The following MTBP variants were observed in gnomAD, a reference collection of about 807,000 sequenced individuals.
MTBP encodes mdm2-binding protein.
MTBP carries 101 observed loss-of-function variants against 117.0 expected under a neutral mutation model. That is an observed-to-expected ratio of 0.86 (90% CI 0.73 to 1.02). MTBP has a LOEUF of 1.02. MTBP is among the 50% of genes least tolerant of loss of function. MTBP has a pLI of 0.00. For synonymous variants in MTBP, 350 were observed against 351.5 expected, an observed-to-expected ratio of 1.00 and a Z score of 0.05; for missense variants, 970 against 1,030.9, an observed-to-expected ratio of 0.94 and a Z score of 0.81.
chr8:120,462,550 A>G (rs1041564739), intron 9 of MTBP, among the ~76,000 whole-genome samples: 3 of 152,154 alleles, frequency 2.0e-5, no homozygotes, highest in Non-Finnish European at 4.4e-5. Context: ...TCCATTATAC[A>G]TTACTGTTGA....
chr8:120,482,007 T>C (rs1325785986), intron 11 of MTBP, among the ~76,000 whole-genome samples: 1 of 152,200 alleles, frequency 6.6e-6, no homozygotes, highest in Non-Finnish European at 1.5e-5. Flanking sequence ...TTTCTCTCTC[T>C]AGTTCAATGA....
intron 11 of MTBP, among the ~76,000 whole-genome samples, chr8:120,482,294 T>C (rs1814101768): frequency 1.3e-5 from 2 of 152,218 alleles, no homozygotes; most frequent in Admixed American, 6.5e-5. Context: ...TTTAGGCCTT[T>C]AATTCCTTAT....
intron 11 of MTBP, among the ~76,000 whole-genome samples, chr8:120,484,212 A>G (rs1814160885): frequency 6.6e-6 from 1 of 152,164 alleles, no homozygotes; most frequent in Non-Finnish European, 1.5e-5. Context: ...TAAATGAATT[A>G]AGGTCACTGT....
intron 12 of MTBP, among the ~76,000 whole-genome samples, chr8:120,489,089 A>G (rs992256380): frequency 6.9e-6 from 1 of 145,454 alleles, no homozygotes; most frequent in African/African-American, 2.5e-5. Context: ...ACCAGGCTAG[A>G]GTGCAGTGGT....
At chr8:120,501,919 C>T (rs1039664035) in intron 14 of MTBP, among the ~76,000 whole-genome samples, 1 of 152,166 alleles carries the variant, frequency 6.6e-6, no homozygotes, top group African/African-American at 2.4e-5. Flanking sequence ...CACACTCTTA[C>T]ACATAATATT....
chr8:120,450,123 G>A (rs1463481336), intron 2 of MTBP, among the ~76,000 whole-genome samples: 1 of 152,112 alleles, frequency 6.6e-6, no homozygotes, highest in Non-Finnish European at 1.5e-5. Flanking sequence ...CTGAAATGCA[G>A]GAAAGATGAT....
chr8:120,477,796 C>T (rs1420594856), intron 11 of MTBP, among the ~76,000 whole-genome samples: 6 of 152,170 alleles, frequency 3.9e-5, no homozygotes, highest in Non-Finnish European at 5.9e-5. Flanking sequence ...CACTTATACA[C>T]TGTTGGTGGG....
chr8:120,468,784 G>A (rs1813752324), intron 10 of MTBP, among the ~76,000 whole-genome samples: 1 of 152,124 alleles, frequency 6.6e-6, no homozygotes, highest in Admixed American at 6.5e-5. Context: ...AGCTGTCATG[G>A]ATCAGAATGG....
intron 11 of MTBP, among the ~76,000 whole-genome samples, chr8:120,483,813 A>G (rs1586955869): frequency 6.6e-6 from 1 of 152,234 alleles, no homozygotes; most frequent in East Asian, 1.9e-4. Context: ...TCAAATAATA[A>G]TGTAAGTAAA....
intron 7 of MTBP, 139 bp downstream of exon 7, chr8:120,456,809 A>C: frequency 1.6e-6 from 1 of 629,508 alleles, no homozygotes; most frequent in Non-Finnish European, 2.8e-6. Context: ...GCAATAATTA[A>C]ATGTTCTATA....
At chr8:120,518,312 T>C (rs1465380029) in intron 19 of MTBP, among the ~76,000 whole-genome samples, 1 of 152,040 alleles carries the variant, frequency 6.6e-6, no homozygotes, top group African/African-American at 2.4e-5. Context: ...TTAAAAGATA[T>C]ATCAAGATAG....
intron 12 of MTBP, among the ~76,000 whole-genome samples, chr8:120,489,647 A>G (rs1376393187): frequency 6.6e-6 from 1 of 152,168 alleles, no homozygotes; most frequent in East Asian, 1.9e-4. Context: ...GACAGAACAC[A>G]CTCACATGCA....
intron 13 of MTBP, 134 bp from the exon 14 acceptor site, chr8:120,497,259 C>A: frequency 1.3e-6 from 1 of 753,770 alleles, no homozygotes. Context: ...AGAAGGCCTA[C>A]AATCCTGAAA....
chr8:120,469,856 A>G (rs1409806606), intron 10 of MTBP, among the ~76,000 whole-genome samples: 1 of 152,220 alleles, frequency 6.6e-6, no homozygotes, highest in Admixed American at 6.5e-5. Flanking sequence ...CACCAACCTT[A>G]ATATTTATTT....
intron 7 of MTBP, among the ~76,000 whole-genome samples, chr8:120,457,468 T>A (rs1813493098): frequency 6.6e-6 from 1 of 152,196 alleles, no homozygotes; most frequent in South Asian, 2.1e-4. Context: ...TTTTCTTCCT[T>A]TTTAATTCAC....
intron 15 of MTBP, among the ~76,000 whole-genome samples, chr8:120,504,962 TTGAGA>T (rs766269378): frequency 2.0e-5 from 3 of 152,148 alleles, no homozygotes; most frequent in Non-Finnish European, 4.4e-5. Context: ...TTAATAAGAC[TTGAGA>T]TGATACTGTA....
Position 120,516,073 on chromosome 8 carries a change from G to C in MTBP, c.2128G>C (p.Val710Leu). 1 of 1,613,100 alleles carries C rather than the reference G, an allele frequency of 6.2e-7. No individual in the cohort carries two copies. Among genetic ancestry groups the C allele is most frequent in the Non-Finnish European group, 8.5e-7 (1 of 1,179,298 alleles). Residue 710 changes from valine to leucine, a missense_variant, in exon 18 of 22, where the codon GTT becomes CTT. Physicochemically the swap from Val to Leu is conservative, Grantham distance 32 (BLOSUM62 1). Transcript: ENST00000305949. ...TVLSPLPSPV[V>L]SSDPGSVPDG... ...GTTGAGCCCTCTTCCATCTCCTGTA[G>C]TTTCGTCAGATCCTGGAAGTGTCCC...
At chr8:120,471,108 T>A in intron 11 of MTBP, 171 bp downstream of exon 11, 1 of 540,034 alleles carries the variant, frequency 1.9e-6, no homozygotes, top group East Asian at 3.1e-5. Context: ...TACTGTAACA[T>A]AAAGTATCTC....
At chr8:120,495,234 C>A (rs114070726) in intron 13 of MTBP, among the ~76,000 whole-genome samples, 2 of 152,056 alleles carry the variant, frequency 1.3e-5, no homozygotes, top group Non-Finnish European at 2.9e-5. Context: ...CATTTTCCCT[C>A]GGAATTTCAA....
Sources: gnomAD v4.1 joint callset for allele counts (sites outside exome capture counted in the v4.1 genomes callset) on GRCh38, gnomAD v4.1.1 for gene constraint, MANE v1.5 for transcripts, NCBI Gene and HGNC (gene_info 2026-07-23, HGNC 2026-07-21) for gene names.